Variants in TMEM108 observed in about 807,000 individuals in gnomAD.
TMEM108 encodes cancer/testis antigen 124.
TMEM108 carries 12 observed loss-of-function variants against 35.1 expected under a neutral mutation model. That is an observed-to-expected ratio of 0.34 (90% CI 0.22 to 0.55). TMEM108 has a LOEUF of 0.55. TMEM108 is among the 20% of genes least tolerant of loss of function. The pLI is 0.89. For missense variants in TMEM108, 680 were observed against 753.3 expected (o/e 0.90, Z 1.14); for synonymous variants, 287 against 308.6 (o/e 0.93, Z 0.73).
chr3:133,395,746 A>C, intron 5 of TMEM108, 118 bp from the exon 6 acceptor site: 1 of 1,128,326 alleles, frequency 8.9e-7, no homozygotes, highest in Non-Finnish European at 1.2e-6. Context: ...AGGGATGATG[A>C]AAATGTGCAC....
intron 3 of TMEM108, among the ~76,000 whole-genome samples, chr3:133,349,867 AG>A (rs1301036135): frequency 6.6e-6 from 1 of 152,188 alleles, no homozygotes; most frequent in Admixed American, 6.5e-5. Context: ...TATGGAAAAC[AG>A]TATGGAAGTT....
At chr3:133,237,483 C>A (rs79423071) in intron 3 of TMEM108, among the ~76,000 whole-genome samples, 2,153 of 152,208 alleles carry the variant, frequency 0.014, 62 homozygotes, top group African/African-American at 0.049. Flanking sequence ...CACATTACTG[C>A]CAAATTAGCT....
chr3:133,085,974 A>C (rs372814707), intron 2 of TMEM108, among the ~76,000 whole-genome samples: 5 of 152,220 alleles, frequency 3.3e-5, no homozygotes, highest in African/African-American at 1.2e-4. Context: ...ATTTTTCACT[A>C]ATTTCATCTT....
intron 3 of TMEM108, among the ~76,000 whole-genome samples, chr3:133,338,753 G>C (rs1197279): frequency 0.98 from 148,356 of 152,158 alleles, 72,413 homozygotes; most frequent in East Asian, 1. Context: ...AACAACTTTT[G>C]AAGACATTGA....
intron 3 of TMEM108, among the ~76,000 whole-genome samples, chr3:133,352,581 C>T (rs1920021): frequency 0.15 from 22,977 of 152,166 alleles, 1,837 homozygotes; most frequent in South Asian, 0.22. Flanking sequence ...ACCCCTTCCT[C>T]GGGTTTAATA....
chr3:133,278,930 T>TG (rs1946873694), intron 3 of TMEM108, among the ~76,000 whole-genome samples: 1 of 152,154 alleles, frequency 6.6e-6, no homozygotes, highest in African/African-American at 2.4e-5. Flanking sequence ...GTCCGGAGCA[T>TG]TCATGAAAAG....
intron 3 of TMEM108, among the ~76,000 whole-genome samples, chr3:133,335,089 TAAGG>T (rs1040429491): frequency 4.0e-5 from 6 of 151,886 alleles, no homozygotes; most frequent in African/African-American, 1.5e-4. Flanking sequence ...GATGAAGAAA[TAAGG>T]AAGCATCAAA....
chr3:133,097,006 C>T (rs1017178802), intron 2 of TMEM108, among the ~76,000 whole-genome samples: 7 of 152,126 alleles, frequency 4.6e-5, no homozygotes, highest in Admixed American at 6.5e-5. Flanking sequence ...CTCTTCTGTC[C>T]GCACCCTTGC....
intron 3 of TMEM108, among the ~76,000 whole-genome samples, chr3:133,343,985 T>A (rs2071740399): frequency 6.6e-6 from 1 of 151,870 alleles, no homozygotes; most frequent in Non-Finnish European, 1.5e-5. Flanking sequence ...AATATAGTAG[T>A]CACAGAGTGC....
At chr3:133,159,920 C>G in intron 2 of TMEM108, among the ~76,000 whole-genome samples, 1 of 152,172 alleles carries the variant, frequency 6.6e-6, no homozygotes, top group East Asian at 1.9e-4. Flanking sequence ...GAGGACCCAG[C>G]AAAGGTGCAG....
intron 3 of TMEM108, among the ~76,000 whole-genome samples, chr3:133,337,289 T>C (rs550775463): frequency 2.0e-5 from 3 of 152,260 alleles, no homozygotes; most frequent in Admixed American, 6.5e-5. Context: ...CACACTCCCA[T>C]TGATGGTAGC....
At chr3:133,165,782 G>A (rs1945028211) in intron 2 of TMEM108, among the ~76,000 whole-genome samples, 1 of 152,242 alleles carries the variant, frequency 6.6e-6, no homozygotes, top group Non-Finnish European at 1.5e-5. Flanking sequence ...ACAGGTTACA[G>A]AGGGGGCTAT....
chr3:133,265,034 A>ACAGTCAT (rs1207048983), intron 3 of TMEM108, among the ~76,000 whole-genome samples: 1 of 152,208 alleles, frequency 6.6e-6, no homozygotes, highest in African/African-American at 2.4e-5. Flanking sequence ...AGCACTCACC[A>ACAGTCAT]CAGTCATCTC....
chr3:133,378,803 C>CTTTTTTT (rs34139600), intron 3 of TMEM108, among the ~76,000 whole-genome samples: 4 of 134,422 alleles, frequency 3.0e-5, no homozygotes, highest in African/African-American at 5.5e-5. Context: ...ATACAAAATC[C>CTTTTTTT]TTTTTTTTTT....
chr3:133,148,969 C>G (rs539483963), intron 2 of TMEM108, among the ~76,000 whole-genome samples: 16 of 152,284 alleles, frequency 1.1e-4, no homozygotes, highest in African/African-American at 3.8e-4. Flanking sequence ...TGCACTCCAG[C>G]CTGGGTGACA....
In TMEM108 at chr3:133,344,767, G is replaced by C. The variant is rs111853864; in HGVS notation, c.41-34985G>C. Among the ~76,000 whole-genome samples the C allele has an allele frequency of 1.2e-3, 187 of 151,780 alleles. 1 individual carries two copies. The highest frequency in any genetic ancestry group is 4.5e-3 in the African/African-American group (185 of 41,512). ...TTTGGTATGAGAAAAGTATATTACAGATGAGGAAACTTTAAAGCAATTGCT... is the reference window on the plus strand; with the variant it reads ...TTTGGTATGAGAAAAGTATATTACACATGAGGAAACTTTAAAGCAATTGCT... On this transcript the variant is annotated intron_variant, in intron 3 of 5. Coordinates refer to ENST00000321871, the MANE Select transcript of TMEM108 (RefSeq NM_023943.4).
intron 2 of TMEM108, among the ~76,000 whole-genome samples, chr3:133,221,573 G>T (rs1345476717): frequency 1.3e-5 from 2 of 150,870 alleles, no homozygotes; most frequent in African/African-American, 4.9e-5. Flanking sequence ...TTGTTTTGTA[G>T]ATCCTTTGAT....
intron 2 of TMEM108, among the ~76,000 whole-genome samples, chr3:133,055,120 T>C (rs1943451379): frequency 6.6e-6 from 1 of 152,194 alleles, no homozygotes; most frequent in South Asian, 2.1e-4. Context: ...CCATCCCCTG[T>C]ATTGAATTTT....
At chr3:133,223,208 C>A (rs1946018270) in intron 2 of TMEM108, among the ~76,000 whole-genome samples, 2 of 152,182 alleles carry the variant, frequency 1.3e-5, no homozygotes, top group South Asian at 2.1e-4. Context: ...GGGACTTATT[C>A]CAGTATTTGC....
Sources: gnomAD v4.1 joint callset for allele counts (sites outside exome capture counted in the v4.1 genomes callset) on GRCh38, gnomAD v4.1.1 for gene constraint, MANE v1.5 for transcripts, NCBI Gene and HGNC (gene_info 2026-07-23, HGNC 2026-07-21) for gene names.